KCNJ6: variants seen among roughly 807,000 people sequenced by gnomAD.
KCNJ6 encodes G protein-activated inward rectifier potassium channel 2.
Under a neutral mutation model 34.2 loss-of-function variants are expected in KCNJ6, and 9 were observed. That is an observed-to-expected ratio of 0.26 (90% CI 0.16 to 0.46). The LOEUF is 0.46. Among genes scored for constraint, KCNJ6 ranks in the 20% least tolerant of loss-of-function variants. The pLI is 1.00. For missense variants in KCNJ6, 236 were observed against 531.3 expected, an observed-to-expected ratio of 0.44 and a Z score of 5.46; for synonymous variants, 196 against 207.1, an observed-to-expected ratio of 0.95 and a Z score of 0.46.
chr21:37,815,882 G>A (rs571803994), intron 2 of KCNJ6, among the ~76,000 whole-genome samples: 7 of 152,192 alleles, frequency 4.6e-5, no homozygotes, highest in African/African-American at 1.2e-4. Context: ...CCAGATGTAC[G>A]TCCCTGCGCA....
At chr21:37,853,846 G>GTATATATATATATATATA (rs144698876) in intron 1 of KCNJ6, among the ~76,000 whole-genome samples, 2,230 of 115,842 alleles carry the variant, frequency 0.019, 37 homozygotes, top group Non-Finnish European at 0.024. Flanking sequence ...ATATATATAT[G>GTATATATATATATATATA]TATATATATA....
chr21:37,853,713 T>C (rs1407555523), intron 1 of KCNJ6, among the ~76,000 whole-genome samples: 4 of 151,662 alleles, frequency 2.6e-5, no homozygotes, highest in Non-Finnish European at 5.9e-5. Context: ...TCTTAATATA[T>C]GTAGAGGAAA....
intron 1 of KCNJ6, among the ~76,000 whole-genome samples, chr21:37,888,748 C>T (rs1279946561): frequency 3.3e-5 from 5 of 152,180 alleles, no homozygotes; most frequent in Admixed American, 1.3e-4. Flanking sequence ...TTTGTTCATA[C>T]GTGGCCCAGA....
At chr21:37,847,466 G>A (rs184095416) in intron 1 of KCNJ6, among the ~76,000 whole-genome samples, 5 of 152,196 alleles carry the variant, frequency 3.3e-5, no homozygotes, top group South Asian at 2.1e-4. Context: ...AATGAAGGCC[G>A]TTCATGCTGA....
rs1399892733 is a variant in KCNJ6, at chr21:37,620,430, G to C, written c.*4729C>G. ...GGACATTGAAATTTGAATTTAGGATGATTTTCACATGTCTCAAAATATTCT... is the reference window on the plus strand; with the variant it reads ...GGACATTGAAATTTGAATTTAGGATCATTTTCACATGTCTCAAAATATTCT... On this transcript the variant is annotated 3_prime_UTR_variant, in exon 4 of 4. Coordinates refer to ENST00000609713, the MANE Select transcript of KCNJ6 (RefSeq NM_002240.5). The C allele has an allele frequency of 6.6e-6, 1 of 152,004 alleles. No homozygotes were observed. Among genetic ancestry groups the C allele is most frequent in the African/African-American group, 2.4e-5 (1 of 41,386 alleles). The allele number at this position is 152,004 out of a possible 1,614,324, so 9.4% of individuals were successfully genotyped here.
intron 2 of KCNJ6, among the ~76,000 whole-genome samples, chr21:37,810,662 A>T (rs559363964): frequency 1.3e-5 from 2 of 152,262 alleles, no homozygotes; most frequent in African/African-American, 4.8e-5. Context: ...TCATGTGTCT[A>T]TTGACCCTTG....
At chr21:37,869,670 C>A (rs944254162) in intron 1 of KCNJ6, among the ~76,000 whole-genome samples, 1 of 152,252 alleles carries the variant, frequency 6.6e-6, no homozygotes, top group African/African-American at 2.4e-5. Flanking sequence ...TAGCCTCCCT[C>A]ACCCTTCAAG....
At chr21:37,865,970 A>C (rs147950003) in intron 1 of KCNJ6, among the ~76,000 whole-genome samples, 83 of 152,312 alleles carry the variant, frequency 5.4e-4, no homozygotes, top group African/African-American at 1.9e-3. Flanking sequence ...ATTTCAACAA[A>C]TTAAAAAAAA....
intron 1 of KCNJ6, among the ~76,000 whole-genome samples, chr21:37,856,195 G>A (rs978498411): frequency 6.6e-6 from 1 of 152,122 alleles, no homozygotes; most frequent in Non-Finnish European, 1.5e-5. Context: ...TTAAAATCTC[G>A]TAATTCTTCT....
chr21:37,805,394 A>G (rs896692689), intron 2 of KCNJ6, among the ~76,000 whole-genome samples: 2 of 151,312 alleles, frequency 1.3e-5, no homozygotes, highest in Non-Finnish European at 3.0e-5. Flanking sequence ...ATGATGATAA[A>G]AATAAAAAAA....
intron 1 of KCNJ6, among the ~76,000 whole-genome samples, chr21:37,845,256 A>G (rs942211238): frequency 1.3e-5 from 2 of 152,238 alleles, no homozygotes; most frequent in African/African-American, 4.8e-5. Flanking sequence ...TAATCATCTC[A>G]TGTTCTTTTA....
chr21:37,627,464 G>T (rs1033202106), intron 3 of KCNJ6, among the ~76,000 whole-genome samples: 2 of 152,138 alleles, frequency 1.3e-5, no homozygotes, highest in Admixed American at 1.3e-4. Flanking sequence ...ACAGGTGATG[G>T]CAGTGATATG....
At chr21:37,827,240 C>A (rs999507706) in intron 2 of KCNJ6, among the ~76,000 whole-genome samples, 1 of 152,172 alleles carries the variant, frequency 6.6e-6, no homozygotes, top group East Asian at 1.9e-4. Flanking sequence ...GAAGCAATCA[C>A]CCTCTATATC....
intron 3 of KCNJ6, among the ~76,000 whole-genome samples, chr21:37,674,946 C>T (rs923727849): frequency 1.3e-5 from 2 of 152,284 alleles, no homozygotes; most frequent in Admixed American, 1.3e-4. Flanking sequence ...ACAACTTACT[C>T]ACTTAGGGTG....
chr21:37,796,777 TTC>T (rs2055244345), intron 2 of KCNJ6, among the ~76,000 whole-genome samples: 2 of 57,690 alleles, frequency 3.5e-5, no homozygotes, highest in South Asian at 1.6e-3. Flanking sequence ...CTTTCTTTCT[TTC>T]TTTTTTTTTT....
At chr21:37,756,183 C>T (rs1338198444) in intron 2 of KCNJ6, among the ~76,000 whole-genome samples, 1 of 152,224 alleles carries the variant, frequency 6.6e-6, no homozygotes, top group Non-Finnish European at 1.5e-5. Flanking sequence ...GTGTCTGTGG[C>T]TCCTTTAGGA....
intron 3 of KCNJ6, among the ~76,000 whole-genome samples, chr21:37,709,550 G>A (rs1429964911): frequency 7.5e-6 from 1 of 133,792 alleles, no homozygotes; most frequent in Non-Finnish European, 1.6e-5. Flanking sequence ...AATATCAGGT[G>A]TCTTTTCTGG....
At chr21:37,784,136 ACTCC>A (rs1277884669) in intron 2 of KCNJ6, among the ~76,000 whole-genome samples, 1 of 151,794 alleles carries the variant, frequency 6.6e-6, no homozygotes, top group East Asian at 1.9e-4. Context: ...CTCAACATGC[ACTCC>A]CTCCCTTTCC....
At chr21:37,680,800 A>C (rs2054587281) in intron 3 of KCNJ6, among the ~76,000 whole-genome samples, 1 of 152,182 alleles carries the variant, frequency 6.6e-6, no homozygotes, top group Non-Finnish European at 1.5e-5. Flanking sequence ...CTTGTAATAA[A>C]TCATGTATAT....
Sources: allele counts gnomAD v4.1 joint callset (sites outside exome capture counted in the v4.1 genomes callset), GRCh38; gene constraint gnomAD v4.1.1; transcripts MANE v1.5; gene names NCBI Gene and HGNC (gene_info 2026-07-23, HGNC 2026-07-21).